Variants in SCAMP1 observed in about 807,000 individuals in gnomAD.
SCAMP1 encodes secretory carrier membrane protein 1.
A neutral mutation model predicts 41.8 loss-of-function variants in SCAMP1; 15 were observed. That is an observed-to-expected ratio of 0.36 (90% confidence interval 0.24 to 0.55). The LOEUF is 0.55. Among genes scored for constraint, SCAMP1 ranks in the 20% least tolerant of loss-of-function variants. The probability of loss-of-function intolerance (pLI) is 0.86; values close to 1 mark genes in which losing one functional copy is unlikely to be tolerated. For synonymous variants in SCAMP1, 135 were observed against 136.8 expected, an observed-to-expected ratio of 0.99 and a Z score of 0.09; for missense variants, 341 against 412.6, an observed-to-expected ratio of 0.83 and a Z score of 1.50.
chr5:78,438,198 T>A (rs1752814580), intron 6 of SCAMP1, among the ~76,000 whole-genome samples: 2 of 152,166 alleles, frequency 1.3e-5, no homozygotes, highest in Admixed American at 1.3e-4. Flanking sequence ...AAGGGTTTTT[T>A]ATGTCTCTAT....
At chr5:78,471,218 A>C (rs1227267885) in intron 8 of SCAMP1, among the ~76,000 whole-genome samples, 1 of 152,152 alleles carries the variant, frequency 6.6e-6, no homozygotes, top group African/African-American at 2.4e-5. Context: ...CGGTACTCTC[A>C]ATAGGGAAAG....
chr5:78,479,751 A>G lies in SCAMP1; in HGVS notation c.*4083A>G, dbSNP rs759897431. 1.1e-4 allele frequency among the ~76,000 whole-genome samples: 17 copies of G among 152,224 alleles called. No homozygotes were observed. Among genetic ancestry groups the G allele is most frequent in the Admixed American group, 9.2e-4 (14 of 15,278 alleles). Reference sequence around the variant, plus strand: ...TTTGGGTAAGACAAACATTTAATGTATAGGATTTTGGCCAGGTGTGGTGGC... The same window carrying G: ...TTTGGGTAAGACAAACATTTAATGTGTAGGATTTTGGCCAGGTGTGGTGGC... On this transcript the variant is annotated 3_prime_UTR_variant, in exon 9 of 9. Coordinates refer to ENST00000621999, the MANE Select transcript of SCAMP1 (RefSeq NM_004866.6).
At chr5:78,439,062 G>A (rs542270879) in intron 6 of SCAMP1, among the ~76,000 whole-genome samples, 1 of 152,056 alleles carries the variant, frequency 6.6e-6, no homozygotes, top group Non-Finnish European at 1.5e-5. Flanking sequence ...CTTTCCATTT[G>A]CTTGGTAGAT....
intron 8 of SCAMP1, among the ~76,000 whole-genome samples, chr5:78,473,154 T>C (rs1207281586): frequency 6.6e-6 from 1 of 152,170 alleles, no homozygotes; most frequent in Non-Finnish European, 1.5e-5. Flanking sequence ...AAGGAATCTT[T>C]GGATTTACCA....
At chr5:78,384,979 G>C (rs965333738) in intron 1 of SCAMP1, among the ~76,000 whole-genome samples, 5 of 152,084 alleles carry the variant, frequency 3.3e-5, no homozygotes, top group Admixed American at 3.3e-4. Context: ...ATGATTTAGG[G>C]GGGGATTCCC....
At chr5:78,400,087 C>A (rs1051716168) in intron 2 of SCAMP1, among the ~76,000 whole-genome samples, 4 of 152,098 alleles carry the variant, frequency 2.6e-5, no homozygotes, top group Non-Finnish European at 5.9e-5. Context: ...CTTCTGTGAT[C>A]CATTTTGAAT....
rs543200490 is a variant in SCAMP1, at chr5:78,408,044, A to G, written c.136-7476A>G. Among the ~76,000 whole-genome samples, 166 of 152,172 alleles carry G rather than the reference A, an allele frequency of 1.1e-3. 1 individual carries two copies. The highest frequency in any genetic ancestry group is 2.1e-3 in the Non-Finnish European group (143 of 68,034). On this transcript the variant is annotated intron_variant, in intron 2 of 8. Coordinates refer to ENST00000621999, the MANE Select transcript of SCAMP1 (RefSeq NM_004866.6). Reference sequence around the variant, plus strand: ...AAATCATAAGCCAAAGTTACTTGGAACTTTATCTGTGTTAATTTCTTGAAG... The same window carrying G: ...AAATCATAAGCCAAAGTTACTTGGAGCTTTATCTGTGTTAATTTCTTGAAG...
intron 8 of SCAMP1, among the ~76,000 whole-genome samples, chr5:78,471,100 G>A (rs1753873601): frequency 6.6e-6 from 1 of 152,154 alleles, no homozygotes. Flanking sequence ...AGTAGAATTA[G>A]TTCTTGCCCT....
At chr5:78,399,052 A>G (rs1026218678) in intron 2 of SCAMP1, among the ~76,000 whole-genome samples, 1 of 152,142 alleles carries the variant, frequency 6.6e-6, no homozygotes, top group Non-Finnish European at 1.5e-5. Flanking sequence ...ACAGTGTCAT[A>G]TAGTTGGAAT....
At chr5:78,460,972 C>T (rs1206711011) in intron 8 of SCAMP1, among the ~76,000 whole-genome samples, 1 of 151,828 alleles carries the variant, frequency 6.6e-6, no homozygotes, top group African/African-American at 2.4e-5. Context: ...TTTCCTGTCT[C>T]AGCCTCTTGA....
chr5:78,480,149 T>G lies in SCAMP1; in HGVS notation c.*4481T>G, dbSNP rs1754108060. On this transcript the variant is annotated 3_prime_UTR_variant, in exon 9 of 9. Transcript: ENST00000621999. ...ATGTAGTGAGTGTTAAACTTTGTGT[T>G]TGTCCAAATCCTGATTTATTTTTCA... Among the ~76,000 whole-genome samples, 1 of 152,208 alleles carries G rather than the reference T, an allele frequency of 6.6e-6. No homozygotes were observed. The highest frequency in any genetic ancestry group is 1.5e-5 in the Non-Finnish European group (1 of 68,032).
intron 7 of SCAMP1, among the ~76,000 whole-genome samples, chr5:78,452,788 G>C (rs1305045858): frequency 6.8e-6 from 1 of 146,180 alleles, no homozygotes; most frequent in South Asian, 2.2e-4. Flanking sequence ...GGTTGAACTA[G>C]TTTACAGTCC....
At chr5:78,367,563 A>G (rs1750829436) in intron 1 of SCAMP1, among the ~76,000 whole-genome samples, 1 of 152,188 alleles carries the variant, frequency 6.6e-6, no homozygotes, top group Non-Finnish European at 1.5e-5. Flanking sequence ...CTGAATCTAC[A>G]AGGCTTCTTG....
intron 6 of SCAMP1, among the ~76,000 whole-genome samples, chr5:78,425,414 A>G (rs1017220547): frequency 6.6e-5 from 10 of 152,170 alleles, no homozygotes; most frequent in Non-Finnish European, 5.9e-5. Flanking sequence ...TTGAATTTTG[A>G]TAATTTTTGC....
intron 2 of SCAMP1, among the ~76,000 whole-genome samples, chr5:78,412,539 T>C (rs1752105591): frequency 6.6e-6 from 1 of 152,204 alleles, no homozygotes; most frequent in African/African-American, 2.4e-5. Context: ...GATCAGTGCT[T>C]TAATTTTCAT....
Position 78,365,050 on chromosome 5 carries a change from T to C in SCAMP1, c.57+4322T>C, listed in dbSNP as rs143385291. On this transcript the variant is annotated intron_variant, in intron 1 of 8. Coordinates refer to ENST00000621999, the MANE Select transcript of SCAMP1 (RefSeq NM_004866.6). Reference sequence around the variant, plus strand: ...AGACTCAGTTTACTATTTTGTAAAATAGGGTAATAGTACATTCTCTATAGG... The same window carrying C: ...AGACTCAGTTTACTATTTTGTAAAACAGGGTAATAGTACATTCTCTATAGG... Among the ~76,000 whole-genome samples the C allele has an allele frequency of 6.1e-4, 93 of 152,286 alleles. 1 individual carries two copies. The highest frequency in any genetic ancestry group is 2.1e-3 in the African/African-American group (88 of 41,554).
At chr5:78,440,858 C>G (rs186002023) in intron 6 of SCAMP1, among the ~76,000 whole-genome samples, 1 of 152,210 alleles carries the variant, frequency 6.6e-6, no homozygotes, top group East Asian at 1.9e-4. Context: ...GGGCTCCACC[C>G]AGTTCGAGCT....
chr5:78,423,609 A>C (rs940641802), intron 6 of SCAMP1, among the ~76,000 whole-genome samples: 5 of 152,002 alleles, frequency 3.3e-5, no homozygotes, highest in Admixed American at 3.3e-4. Context: ...TCTGTTACTT[A>C]TGTAGCCAAA....
chr5:78,433,072 T>C (rs1420060005), intron 6 of SCAMP1, among the ~76,000 whole-genome samples: 1 of 152,162 alleles, frequency 6.6e-6, no homozygotes. Flanking sequence ...TTCTACCATA[T>C]CCATTTGGTA....
Sources: allele counts gnomAD v4.1 joint callset (sites outside exome capture counted in the v4.1 genomes callset), GRCh38; gene constraint gnomAD v4.1.1; transcripts MANE v1.5; gene names NCBI Gene and HGNC (gene_info 2026-07-23, HGNC 2026-07-21).